Variants in ENOX1 observed in about 807,000 individuals in gnomAD.
ENOX1 encodes ecto-NOX disulfide-thiol exchanger 1.
A neutral mutation model predicts 82.5 loss-of-function variants in ENOX1; 42 were observed. That is an observed-to-expected ratio of 0.51 (90% confidence interval 0.40 to 0.66). The LOEUF is 0.66. ENOX1 is among the 30% of genes least tolerant of loss of function. The pLI is 0.00. For missense variants in ENOX1, 608 were observed against 811.6 expected (o/e 0.75, Z 3.05); for synonymous variants, 271 against 282.2 (o/e 0.96, Z 0.40).
chr13:43,698,917 T>C (rs2086776224), intron 1 of ENOX1, among the ~76,000 whole-genome samples: 1 of 152,216 alleles, frequency 6.6e-6, no homozygotes, highest in African/African-American at 2.4e-5. Context: ...GTAAAGAGCC[T>C]GTGAAAAACA....
intron 5 of ENOX1, among the ~76,000 whole-genome samples, chr13:43,392,071 T>C (rs2052814399): frequency 1.3e-5 from 2 of 150,714 alleles, no homozygotes; most frequent in South Asian, 4.3e-4. Flanking sequence ...TTCTCCACTT[T>C]CCAGAGCTGG....
intron 5 of ENOX1, among the ~76,000 whole-genome samples, chr13:43,410,451 T>A (rs2054054079): frequency 6.6e-6 from 1 of 152,148 alleles, no homozygotes; most frequent in African/African-American, 2.4e-5. Context: ...TGATAGCATT[T>A]TGAAGAACTT....
chr13:43,594,234 A>AAGTT (rs1410962634), intron 2 of ENOX1, among the ~76,000 whole-genome samples: 1 of 150,200 alleles, frequency 6.7e-6, no homozygotes, highest in Non-Finnish European at 1.5e-5. Flanking sequence ...TAAAAACAGC[A>AAGTT]AGTTACTTCT....
chr13:43,300,829 T>C (rs1043177758), intron 11 of ENOX1, among the ~76,000 whole-genome samples: 21 of 151,870 alleles, frequency 1.4e-4, no homozygotes, highest in Non-Finnish European at 2.4e-4. Flanking sequence ...ATTTGGTGTA[T>C]GTGTGTGCAA....
chr13:43,516,817 A>G (rs1193575960), intron 2 of ENOX1, among the ~76,000 whole-genome samples: 3 of 152,196 alleles, frequency 2.0e-5, no homozygotes, highest in Admixed American at 2.0e-4. Context: ...TTCCTCAAAC[A>G]AAGCAGCCCC....
At chr13:43,444,002 TAAG>T (rs1176307758) in intron 3 of ENOX1, among the ~76,000 whole-genome samples, 2 of 152,228 alleles carry the variant, frequency 1.3e-5, no homozygotes, top group East Asian at 3.9e-4. Flanking sequence ...GTACAGGTAG[TAAG>T]AAGAGGATGT....
rs112113964 is a variant in ENOX1 at position 43,630,848 on chromosome 13, T to C, written c.-219+36631A>G. Among the ~76,000 whole-genome samples, 652 of 89,618 alleles carry C rather than the reference T, an allele frequency of 7.3e-3. 7 individuals are homozygous for C. The highest frequency in any genetic ancestry group is 0.033 in the Middle Eastern group (7 of 212). The allele number at this position is 89,618 out of a possible 152,430, so 58.8% of individuals were successfully genotyped here. A position where few individuals can be genotyped will look rare whatever the true frequency, so the allele number is the denominator to read the frequency against. On this transcript the variant is annotated intron_variant, in intron 2 of 16. Transcript: ENST00000690772. ...ATATACATACAACCACACACACACA[T>C]ATATATATATATACACACACACACA...
intron 3 of ENOX1, among the ~76,000 whole-genome samples, chr13:43,425,296 G>A (rs2055228977): frequency 6.6e-6 from 1 of 152,086 alleles, no homozygotes; most frequent in South Asian, 2.1e-4. Context: ...AAAGAGATGA[G>A]AGAATAAATG....
chr13:43,718,676 C>CAAAAAAAAAAAAAAAAAAAAAAAAAAA (rs61671392), intron 1 of ENOX1, among the ~76,000 whole-genome samples: 3 of 55,592 alleles, frequency 5.4e-5, no homozygotes, highest in Admixed American at 2.5e-4. Flanking sequence ...GACTCCGTCT[C>CAAAAAAAAAAAAAAAAAAAAAAAAAAA]AAAAAAAAAA....
intron 16 of ENOX1, among the ~76,000 whole-genome samples, chr13:43,217,105 T>C (rs993660267): frequency 1.3e-5 from 2 of 152,172 alleles, no homozygotes; most frequent in Non-Finnish European, 2.9e-5. Context: ...TGCCTTGTTC[T>C]TAACCACCCC....
chr13:43,694,849 T>C lies in ENOX1; in HGVS notation c.-284-27305A>G, dbSNP rs558143535. Among the ~76,000 whole-genome samples the C allele has an allele frequency of 2.0e-5, 3 of 152,330 alleles. No individual in the cohort carries two copies. The South Asian group carries it at 6.2e-4, about 32-fold the overall frequency. ...GTTTCTTTGAGACAATCCTCATTATTGAACATTCTCCCCCTTGAAAGAGCT... is the reference window on the plus strand; with the variant it reads ...GTTTCTTTGAGACAATCCTCATTATCGAACATTCTCCCCCTTGAAAGAGCT... On this transcript the variant is annotated intron_variant, in intron 1 of 16. Transcript: ENST00000690772.
intron 8 of ENOX1, among the ~76,000 whole-genome samples, chr13:43,349,426 C>T (rs60354203): frequency 0.015 from 2,227 of 152,266 alleles, 64 homozygotes; most frequent in African/African-American, 0.051. Flanking sequence ...TATAATGATA[C>T]TATCAGATGT....
chr13:43,454,242 G>T (rs1465563399), intron 3 of ENOX1, among the ~76,000 whole-genome samples: 1 of 151,838 alleles, frequency 6.6e-6, no homozygotes, highest in Non-Finnish European at 1.5e-5. Context: ...CCTCCTTCCT[G>T]CTTCTCAGGG....
At chr13:43,505,285 T>C (rs933285528) in intron 2 of ENOX1, among the ~76,000 whole-genome samples, 2 of 151,762 alleles carry the variant, frequency 1.3e-5, no homozygotes, top group East Asian at 1.9e-4. Context: ...TTCTAGATGA[T>C]AGAATTGAAC....
At chr13:43,308,694 G>A (rs7325949) in intron 11 of ENOX1, among the ~76,000 whole-genome samples, 145,137 of 152,296 alleles carry the variant, frequency 0.95, 69,579 homozygotes, top group East Asian at 1. Flanking sequence ...TAATAACACC[G>A]ATGCCTGGGC....
At chr13:43,293,982 C>A (rs1265398438) in intron 12 of ENOX1, among the ~76,000 whole-genome samples, 3 of 152,074 alleles carry the variant, frequency 2.0e-5, no homozygotes, top group African/African-American at 4.8e-5. Context: ...TTCTAAAATG[C>A]TTTTGATCAT....
Position 43,537,588 on chromosome 13 carries a change from A to G in ENOX1, c.-218-53436T>C, listed in dbSNP as rs558790597. Among the ~76,000 whole-genome samples the G allele has an allele frequency of 2.0e-5, 3 of 152,342 alleles. No individual in the cohort carries two copies. In the East Asian group the frequency reaches 5.8e-4, roughly 29 times the overall value. On this transcript the variant is annotated intron_variant, in intron 2 of 16. Coordinates refer to ENST00000690772, the MANE Select transcript of ENOX1 (RefSeq NM_001347969.2). The stretch of plus-strand genomic sequence containing the variant: ...TGCGATAATAGCTACTTTATTTTCT[A>G]TGTAGTTCTCTGCATTGTTTCTGTG...
At chr13:43,768,128 C>T (rs1396296767) in intron 1 of ENOX1, among the ~76,000 whole-genome samples, 1 of 152,196 alleles carries the variant, frequency 6.6e-6, no homozygotes, top group Non-Finnish European at 1.5e-5. Flanking sequence ...TACATACATA[C>T]ATTTTTACTC....
intron 5 of ENOX1, among the ~76,000 whole-genome samples, chr13:43,400,210 A>G (rs879380395): frequency 6.6e-6 from 1 of 152,104 alleles, no homozygotes; most frequent in Admixed American, 6.5e-5. Context: ...TTTTCTGGTC[A>G]GCTTCCTGTC....
Sources: gnomAD v4.1 joint callset for allele counts (sites outside exome capture counted in the v4.1 genomes callset) on GRCh38, gnomAD v4.1.1 for gene constraint, MANE v1.5 for transcripts, NCBI Gene and HGNC (gene_info 2026-07-23, HGNC 2026-07-21) for gene names.